Variants in DPH6 observed in about 807,000 individuals in gnomAD.
DPH6 encodes the protein diphthine--ammonia ligase.
DPH6 carries 33 observed loss-of-function variants against 38.2 expected under a neutral mutation model. The ratio of observed to expected loss-of-function variants is 0.86; its 90% CI spans 0.65 to 1.15. DPH6 has a LOEUF of 1.15. Ranked by LOEUF, DPH6 falls within the 50% of genes most tolerant of loss-of-function variation. DPH6 has a pLI of 0.00. For synonymous variants in DPH6, 108 were observed against 103.0 expected, an observed-to-expected ratio of 1.05 and a Z score of -0.30; for missense variants, 325 against 320.0, an observed-to-expected ratio of 1.02 and a Z score of -0.12.
At chr15:35,279,397 G>A (rs570328185) in intron 3 of DPH6, among the ~76,000 whole-genome samples, 45 of 152,168 alleles carry the variant, frequency 3.0e-4, no homozygotes, top group African/African-American at 1.1e-3. Context: ...GGAACCAGGG[G>A]CAGAAGGATA....
chr15:35,304,538 C>G (rs2052075032), intron 3 of DPH6, among the ~76,000 whole-genome samples: 1 of 151,844 alleles, frequency 6.6e-6, no homozygotes, highest in African/African-American at 2.4e-5. Flanking sequence ...GAGAAAACAC[C>G]CTAAAGCCTT....
chr15:35,393,012 C>T (rs548159667), intron 6 of DPH6, among the ~76,000 whole-genome samples: 7 of 152,132 alleles, frequency 4.6e-5, no homozygotes, highest in South Asian at 2.1e-4. Context: ...AGGTCTTACA[C>T]GGCTTCATAA....
intron 5 of DPH6, among the ~76,000 whole-genome samples, chr15:35,436,123 G>A (rs1037145242): frequency 5.3e-5 from 8 of 151,974 alleles, no homozygotes; most frequent in African/African-American, 1.9e-4. Flanking sequence ...CCTCCATGGA[G>A]TCCCCTCATT....
intron 3 of DPH6, among the ~76,000 whole-genome samples, chr15:35,513,587 G>T (rs1254770893): frequency 2.0e-5 from 3 of 152,016 alleles, no homozygotes; most frequent in Non-Finnish European, 4.4e-5. Flanking sequence ...AATAACTGCG[G>T]TAAATAATTT....
At chr15:35,415,396 TA>T (rs1218858145) in intron 5 of DPH6, among the ~76,000 whole-genome samples, 2 of 152,024 alleles carry the variant, frequency 1.3e-5, no homozygotes, top group Non-Finnish European at 2.9e-5. Flanking sequence ...TATATGCCTA[TA>T]AGGCATGAAA....
chr15:35,419,134 C>T (rs1044685898), intron 5 of DPH6, among the ~76,000 whole-genome samples: 12 of 151,742 alleles, frequency 7.9e-5, no homozygotes, highest in African/African-American at 2.7e-4. Context: ...GGCTTACTGG[C>T]TAACAGAACA....
At chr15:35,289,156 T>G (rs2051962866) in intron 3 of DPH6, among the ~76,000 whole-genome samples, 1 of 152,174 alleles carries the variant, frequency 6.6e-6, no homozygotes, top group South Asian at 2.1e-4. Context: ...GCTGGATCAC[T>G]ACAAATGAGA....
chr15:35,181,244 C>T, the DPH6 span, among the ~76,000 whole-genome samples: 3 of 151,976 alleles, frequency 2.0e-5, no homozygotes, highest in African/African-American at 7.2e-5. Flanking sequence ...GGCATTGTCA[C>T]ATTACTCATG....
chr15:35,377,221 C>T (rs773081973), intron 7 of DPH6, among the ~76,000 whole-genome samples: 38 of 152,036 alleles, frequency 2.5e-4, no homozygotes, highest in Non-Finnish European at 5.0e-4. Flanking sequence ...CTTGAGTGGG[C>T]AGAAAATATG....
intron 6 of DPH6, among the ~76,000 whole-genome samples, chr15:35,389,426 A>T (rs1462293305): frequency 6.6e-6 from 1 of 152,100 alleles, no homozygotes; most frequent in East Asian, 1.9e-4. Context: ...GATCTGTCTA[A>T]TGTTGACAGT....
chr15:35,479,463 G>A (rs1342981502), intron 3 of DPH6, among the ~76,000 whole-genome samples: 2 of 152,080 alleles, frequency 1.3e-5, no homozygotes, highest in Non-Finnish European at 2.9e-5. Flanking sequence ...GCAGCAACAT[G>A]TACCTTTTAG....
the DPH6 span, among the ~76,000 whole-genome samples, chr15:35,202,592 A>C: frequency 6.6e-6 from 1 of 151,820 alleles, no homozygotes; most frequent in African/African-American, 2.4e-5. Flanking sequence ...CTTCCAAGAC[A>C]GTGTAAACGA....
At chr15:35,483,228 T>G (rs2054351100) in intron 3 of DPH6, among the ~76,000 whole-genome samples, 1 of 151,376 alleles carries the variant, frequency 6.6e-6, no homozygotes, top group South Asian at 2.1e-4. Context: ...CACTTTGGAG[T>G]GCTGAGGCGG....
intron 6 of DPH6, among the ~76,000 whole-genome samples, chr15:35,406,021 C>T (rs1012932947): frequency 2.6e-5 from 4 of 151,772 alleles, no homozygotes; most frequent in African/African-American, 7.3e-5. Flanking sequence ...ACGCACGTAT[C>T]GCATGTTTTA....
chr15:35,303,260 T>C (rs941715023), intron 3 of DPH6, among the ~76,000 whole-genome samples: 27 of 152,146 alleles, frequency 1.8e-4, no homozygotes, highest in African/African-American at 6.3e-4. Context: ...TAATACTGTC[T>C]ATAAAGGTGC....
intron 3 of DPH6, among the ~76,000 whole-genome samples, chr15:35,524,250 C>T (rs1192661481): frequency 6.6e-6 from 1 of 152,016 alleles, no homozygotes; most frequent in Non-Finnish European, 1.5e-5. Flanking sequence ...TTTCTAAATG[C>T]TTATTTTGAA....
intron 4 of DPH6, 83 bp from the exon 5 acceptor site, chr15:35,450,886 CAT>C: frequency 9.1e-7 from 1 of 1,097,818 alleles, no homozygotes; most frequent in Admixed American, 2.4e-5. Flanking sequence ...TGATTTGAAA[CAT>C]AATGCTTCGT....
At chr15:35,214,617 T>A (rs983293624), downstream of DPH6, among the ~76,000 whole-genome samples, 7 of 152,308 alleles carry the variant, frequency 4.6e-5, no homozygotes, top group Non-Finnish European at 8.8e-5. Context: ...GATAAAACTT[T>A]TTTTTTTGAG....
chr15:35,520,911 A>G (rs2141236361), intron 3 of DPH6: 2 of 985,210 alleles, frequency 2.0e-6, no homozygotes, highest in Non-Finnish European at 2.4e-6. Flanking sequence ...TCATTTTGTC[A>G]CTCTCAAAAT....
Sources: gnomAD v4.1 joint callset for allele counts (sites outside exome capture counted in the v4.1 genomes callset) on GRCh38, gnomAD v4.1.1 for gene constraint, MANE v1.5 for transcripts, NCBI Gene and HGNC (gene_info 2026-07-23, HGNC 2026-07-21) for gene names.